NEDD4: variants seen among roughly 807,000 people sequenced by gnomAD.
The protein encoded by NEDD4 is E3 ubiquitin-protein ligase NEDD4.
In NEDD4, 99 loss-of-function variants were observed where a neutral mutation model predicts 144.9. The observed-to-expected ratio is 0.68, with a 90% CI of 0.58 to 0.81. NEDD4 has a LOEUF of 0.81. Among genes scored for constraint, NEDD4 ranks in the 30% least tolerant of loss-of-function variants. The pLI is 0.00. For missense variants in NEDD4, 985 were observed against 1,065.9 expected, an observed-to-expected ratio of 0.92 and a Z score of 1.06; for synonymous variants, 318 against 350.6, an observed-to-expected ratio of 0.91 and a Z score of 1.04.
Position 55,838,367 on chromosome 15 carries a change from C to A in NEDD4, c.2127+142G>T, listed in dbSNP as rs935194065. On this transcript the variant is annotated intron_variant, in intron 22 of 28. Coordinates refer to ENST00000435532, the MANE Select transcript of NEDD4 (RefSeq NM_006154.4). ...AACGAGTCAAATGTTAAAGAAAGTACAAATTCTTGCTCAGAGACAGCTTTT... is the reference window on the plus strand; with the variant it reads ...AACGAGTCAAATGTTAAAGAAAGTAAAAATTCTTGCTCAGAGACAGCTTTT... The A allele has an allele frequency of 9.5e-6, 7 of 733,484 alleles. No homozygotes were observed. In the Admixed American group the frequency reaches 1.8e-4, roughly 18 times the overall value. 45.4% of individuals were successfully genotyped at this position (733,484 alleles called of 1,614,324 possible). A position where few individuals can be genotyped will look rare whatever the true frequency, so the allele number is the denominator to read the frequency against.
intron 18 of NEDD4, among the ~76,000 whole-genome samples, chr15:55,845,418 C>A (rs2033699417): frequency 6.6e-6 from 1 of 152,138 alleles, no homozygotes; most frequent in Admixed American, 6.6e-5. Context: ...ATAGTAGTCC[C>A]TTCCTTACAG....
intron 11 of NEDD4, among the ~76,000 whole-genome samples, chr15:55,858,832 A>G (rs1863758): frequency 0.63 from 96,387 of 152,098 alleles, 31,009 homozygotes; most frequent in South Asian, 0.71. Context: ...GACAGTAAAT[A>G]CTGGCTGTGG....
intron 1 of NEDD4, among the ~76,000 whole-genome samples, chr15:55,979,980 G>T (rs1411793272): frequency 6.6e-6 from 1 of 151,284 alleles, no homozygotes; most frequent in Non-Finnish European, 1.5e-5. Context: ...GCGCAATCTC[G>T]GCTCACTGCA....
At position 55,974,730 on chromosome 15, in the gene NEDD4, A is replaced by AT. The variant is rs543422908; in HGVS notation, c.46-8185_46-8184insA. ...AATTTCAACATCTCTTCATGATAAA[A>AT]AAAAAAACCCTCAAAAACCTGACTA... is the stretch of plus-strand genomic sequence containing the variant. On this transcript the variant is annotated intron_variant, in intron 1 of 28. Coordinates refer to ENST00000435532, the MANE Select transcript of NEDD4 (RefSeq NM_006154.4). Among the ~76,000 whole-genome samples, 212 of 146,684 alleles carry AT rather than the reference A, an allele frequency of 1.4e-3. 2 individuals carry two copies. Among genetic ancestry groups the AT allele is most frequent in the African/African-American group, 5.0e-3 (197 of 39,526 alleles).
intron 15 of NEDD4, 59 bp downstream of exon 15, chr15:55,848,747 G>A (rs1306250966): frequency 4.1e-5 from 61 of 1,503,148 alleles, no homozygotes; most frequent in African/African-American, 6.9e-5. Context: ...TACTATACCC[G>A]AAAATGCAAA....
chr15:55,939,593 T>C (rs1335242562), intron 4 of NEDD4, among the ~76,000 whole-genome samples: 2 of 152,066 alleles, frequency 1.3e-5, no homozygotes, highest in African/African-American at 4.8e-5. Flanking sequence ...CCACTCTTTA[T>C]GTAAAAAGGT....
chr15:55,980,481 T>C (rs1288959631), intron 1 of NEDD4, among the ~76,000 whole-genome samples: 1 of 152,086 alleles, frequency 6.6e-6, no homozygotes. Flanking sequence ...AGTGAAATGG[T>C]AGGTTCAGAT....
chr15:55,971,148 T>C (rs8038646), intron 1 of NEDD4, among the ~76,000 whole-genome samples: 47,853 of 151,976 alleles, frequency 0.31, 7,645 homozygotes, highest in South Asian at 0.38. Context: ...AAAAAATTAA[T>C]TGGCAAATTA....
At chr15:55,910,691 T>G (rs2036243781) in intron 5 of NEDD4, among the ~76,000 whole-genome samples, 1 of 152,176 alleles carries the variant, frequency 6.6e-6, no homozygotes, top group Non-Finnish European at 1.5e-5. Flanking sequence ...CTGCCCTACT[T>G]GAAAACAGCA....
rs771481184 is a variant in NEDD4 at position 55,842,145 on chromosome 15, A to G, written c.1627T>C (p.Phe543Leu). The G allele has an allele frequency of 8.1e-6, 13 of 1,613,994 alleles. No homozygotes were observed. In the Admixed American group the frequency reaches 1.5e-4, roughly 19 times the overall value. Residue 543 changes from phenylalanine (F) to leucine (L), a missense_variant, in exon 19 of 29, where the codon TTT becomes CTT. By Grantham distance (22) the Phe-to-Leu change is conservative. Transcript: ENST00000435532. ...LKKQNDIPNK[F>L]EMKLRRATVL... is the part of the protein sequence containing the mutation. ...GTTGCTCGGCGAAGTTTCATTTCAAATTTGTTTGGAATGTCATTCTGAAAA... is the reference window on the plus strand; with the variant it reads ...GTTGCTCGGCGAAGTTTCATTTCAAGTTTGTTTGGAATGTCATTCTGAAAA...
In NEDD4 at chr15:55,916,320, G is replaced by A. The variant is rs752623801; in HGVS notation, c.291+8326C>T. The A allele has an allele frequency of 2.5e-5, 41 of 1,613,964 alleles. No homozygotes were observed. The South Asian group carries it at 4.3e-4, about 17-fold the overall frequency. ...ACCTCCACTTGTGATACTTGCACATGACCCAAAATCACTACCGTTGCTGCT... is the reference window on the plus strand; with the variant it reads ...ACCTCCACTTGTGATACTTGCACATAACCCAAAATCACTACCGTTGCTGCT... On this transcript the variant is annotated intron_variant, in intron 5 of 28. Transcript: ENST00000435532.
intron 4 of NEDD4, among the ~76,000 whole-genome samples, chr15:55,933,143 C>T (rs2036815115): frequency 6.6e-6 from 1 of 152,038 alleles, no homozygotes; most frequent in African/African-American, 2.4e-5. Flanking sequence ...GGATCTAGAA[C>T]TAGAAATACC....
chr15:55,889,042 G>T (rs2035480764), intron 5 of NEDD4, among the ~76,000 whole-genome samples: 1 of 152,196 alleles, frequency 6.6e-6, no homozygotes, highest in African/African-American at 2.4e-5. Flanking sequence ...AGAAGGCAAA[G>T]ATTTCTTCAG....
intron 8 of NEDD4, among the ~76,000 whole-genome samples, chr15:55,866,399 C>T (rs1467517279): frequency 6.6e-6 from 1 of 151,910 alleles, no homozygotes; most frequent in Non-Finnish European, 1.5e-5. Flanking sequence ...CAGGATCTAG[C>T]ATACCTAAAA....
intron 18 of NEDD4, among the ~76,000 whole-genome samples, chr15:55,843,726 T>C (rs573118131): frequency 1.3e-5 from 2 of 152,272 alleles, no homozygotes; most frequent in South Asian, 4.1e-4. Context: ...AAGCATGATA[T>C]GAGCAGTTTC....
chr15:55,937,299 G>A (rs777782598), intron 4 of NEDD4, among the ~76,000 whole-genome samples: 12 of 152,188 alleles, frequency 7.9e-5, no homozygotes, highest in South Asian at 2.1e-4. Flanking sequence ...TTTTTATGGC[G>A]AATACATTCA....
At chr15:55,938,328 C>T (rs2036931638) in intron 4 of NEDD4, among the ~76,000 whole-genome samples, 1 of 152,106 alleles carries the variant, frequency 6.6e-6, no homozygotes, top group Non-Finnish European at 1.5e-5. Flanking sequence ...CACTGCATTC[C>T]AGTGAGACTG....
At chr15:55,949,599 C>T (rs527595477) in intron 4 of NEDD4, among the ~76,000 whole-genome samples, 2 of 152,302 alleles carry the variant, frequency 1.3e-5, no homozygotes, top group East Asian at 3.9e-4. Context: ...GGCACATATA[C>T]ACCATGGAAT....
chr15:55,916,543 T>C (rs752762351), intron 5 of NEDD4: 1 of 1,614,022 alleles, frequency 6.2e-7, no homozygotes, highest in Non-Finnish European at 8.5e-7. Flanking sequence ...AGATATCCAC[T>C]GTACCTTGTT....
Sources: gnomAD v4.1 joint callset for allele counts (sites outside exome capture counted in the v4.1 genomes callset) on GRCh38, gnomAD v4.1.1 for gene constraint, MANE v1.5 for transcripts, NCBI Gene and HGNC (gene_info 2026-07-23, HGNC 2026-07-21) for gene names.